PNLIPRP3: variants seen among roughly 807,000 people sequenced by gnomAD.
The protein encoded by PNLIPRP3 is pancreatic lipase-related protein 3.
PNLIPRP3 carries 58 observed loss-of-function variants against 52.8 expected under a neutral mutation model. That is an observed-to-expected ratio of 1.10 (90% CI 0.89 to 1.37). The LOEUF (loss-of-function observed/expected upper bound fraction) is 1.37. Among genes scored for constraint, PNLIPRP3 ranks in the 40% most tolerant of loss-of-function variants. The pLI is 0.00. For synonymous variants in PNLIPRP3, 192 were observed against 185.0 expected (o/e 1.04, Z -0.31); for missense variants, 593 against 561.6 (o/e 1.06, Z -0.57).
chr10:116,438,108 A>G (rs1845804045), intron 2 of PNLIPRP3, among the ~76,000 whole-genome samples: 1 of 152,186 alleles, frequency 6.6e-6, no homozygotes, highest in Non-Finnish European at 1.5e-5. Flanking sequence ...AAAGAGAAGG[A>G]GTTAGATTCT....
intron 7 of PNLIPRP3, among the ~76,000 whole-genome samples, chr10:116,464,011 A>C (rs1375886340): frequency 6.6e-6 from 1 of 151,742 alleles, no homozygotes; most frequent in Non-Finnish European, 1.5e-5. Flanking sequence ...AAGAAGAAGA[A>C]AGAAAAGAAA....
At chr10:116,461,616 G>A (rs545690635) in intron 7 of PNLIPRP3, among the ~76,000 whole-genome samples, 2 of 152,294 alleles carry the variant, frequency 1.3e-5, no homozygotes, top group East Asian at 3.9e-4. Flanking sequence ...AGCAAATATG[G>A]AAATGAATAC....
At chr10:116,465,934 G>A in intron 7 of PNLIPRP3, 116 bp from the exon 8 acceptor site, 2 of 759,938 alleles carry the variant, frequency 2.6e-6, no homozygotes, top group Non-Finnish European at 4.6e-6. Flanking sequence ...CTAGACAAAA[G>A]GTCTGGCCCT....
chr10:116,439,569 T>C, intron 2 of PNLIPRP3: 1 of 847,178 alleles, frequency 1.2e-6, no homozygotes, highest in Admixed American at 1.8e-5. Context: ...TACTTTCGAC[T>C]TATAGTCAGC....
intron 3 of PNLIPRP3, among the ~76,000 whole-genome samples, chr10:116,443,807 A>G (rs1285541746): frequency 0.12 from 571 of 4,710 alleles, 8 homozygotes; most frequent in Non-Finnish European, 0.43. Flanking sequence ...GTGTGCATAT[A>G]TATATATATA....
chr10:116,458,159 G>T (rs971559718), intron 5 of PNLIPRP3, among the ~76,000 whole-genome samples: 2 of 152,132 alleles, frequency 1.3e-5, no homozygotes, highest in Non-Finnish European at 2.9e-5. Context: ...TTACTCAGCT[G>T]ATTCTGCTTT....
intron 10 of PNLIPRP3, among the ~76,000 whole-genome samples, chr10:116,476,177 C>T (rs1846462720): frequency 6.6e-6 from 1 of 152,148 alleles, no homozygotes; most frequent in Non-Finnish European, 1.5e-5. Context: ...TACCCAATTC[C>T]TTTTATGTGG....
In PNLIPRP3 at chr10:116,461,011, T is replaced by C; in HGVS notation, c.611T>C (p.Val204Ala). 6.2e-7 allele frequency: 1 copy of C among 1,613,372 alleles called. No individual in the cohort carries two copies. Among genetic ancestry groups the C allele is most frequent in the Non-Finnish European group, 8.5e-7 (1 of 1,180,004 alleles). ...GPFFHNTPKE[V>A]RLDPSDANFV... Reference sequence around the variant, plus strand: ...TTTTTCCACAACACTCCAAAGGAAGTCAGGCTAGACCCCTCGGATGCCAAC... The same window carrying C: ...TTTTTCCACAACACTCCAAAGGAAGCCAGGCTAGACCCCTCGGATGCCAAC... The change falls in exon 6 of 12, where the codon GTC becomes GCC. Residue 204 changes from valine to alanine, a missense_variant. Transcript: ENST00000369230.
chr10:116,435,718 T>C (rs1260765570), intron 1 of PNLIPRP3, among the ~76,000 whole-genome samples: 3 of 152,242 alleles, frequency 2.0e-5, no homozygotes, highest in Non-Finnish European at 4.4e-5. Context: ...TGGCCATTTG[T>C]ATGCTTCTTA....
At chr10:116,474,728 T>C (rs1165284510) in intron 10 of PNLIPRP3, among the ~76,000 whole-genome samples, 2 of 151,960 alleles carry the variant, frequency 1.3e-5, no homozygotes, top group Non-Finnish European at 2.9e-5. Flanking sequence ...ATTAGAGAAA[T>C]GCAAATCAAA....
intron 2 of PNLIPRP3, among the ~76,000 whole-genome samples, chr10:116,442,277 A>G (rs1845869922): frequency 6.6e-6 from 1 of 152,196 alleles, no homozygotes; most frequent in Admixed American, 6.5e-5. Context: ...AGAATATTTG[A>G]CATAATCATA....
chr10:116,469,261 T>G lies in PNLIPRP3; in HGVS notation c.1004T>G (p.Met335Arg). The G allele has an allele frequency of 6.2e-7, 1 of 1,611,976 alleles. No individual in the cohort carries two copies. The highest frequency in any genetic ancestry group is 8.5e-7 in the Non-Finnish European group (1 of 1,179,110). ...HFADRFHFKN[M>R]KTNGSHYFLN... ...GCTGATAGATTTCACTTCAAAAATA[T>G]GAAGACTAATGGATCACATTATTTT... is the stretch of plus-strand genomic sequence containing the variant. The change falls in exon 9 of 12, where the codon ATG (methionine) becomes AGG (arginine). Residue 335 changes from methionine to arginine, a missense_variant. Transcript: ENST00000369230.
At chr10:116,474,856 A>G (rs1846433794) in intron 10 of PNLIPRP3, among the ~76,000 whole-genome samples, 1 of 152,364 alleles carries the variant, frequency 6.6e-6, no homozygotes, top group South Asian at 2.1e-4. Context: ...GTTGGAATGT[A>G]AATTTGTTCA....
chr10:116,442,986 A>T, intron 2 of PNLIPRP3, 69 bp from the exon 3 acceptor site: 6 of 1,254,920 alleles, frequency 4.8e-6, no homozygotes, highest in Non-Finnish European at 6.3e-6. Context: ...GCAGCTTTAG[A>T]ATAGGTCTAC....
At chr10:116,471,624 A>G in intron 9 of PNLIPRP3, 144 bp from the exon 10 acceptor site, 4 of 586,540 alleles carry the variant, frequency 6.8e-6, no homozygotes, top group Non-Finnish European at 1.2e-5. Flanking sequence ...ACTGAAACTA[A>G]AGTTGTATTT....
rs769617841 is a variant in PNLIPRP3, at chr10:116,443,135, A to C, written c.285A>C (p.Gly95=). The C allele has an allele frequency of 6.2e-7, 1 of 1,611,424 alleles. No homozygotes were observed. The highest frequency in any genetic ancestry group is 2.2e-5 in the East Asian group (1 of 44,766). Residue 95 remains glycine (G), a synonymous_variant, in exon 3 of 12, where the codon GGA becomes GGC. Coordinates refer to ENST00000369230, the MANE Select transcript of PNLIPRP3 (RefSeq NM_001011709.3). The part of the protein sequence containing the change: ...TDKITRINIA[G]WKTDGKWQRD... The stretch of plus-strand genomic sequence containing the variant: ...AGATCACCCGTATCAACATAGCTGG[A>C]TGGAAAACAGATGGCAAATGGCAGA...
chr10:116,450,809 A>C (rs1294916253), intron 4 of PNLIPRP3, among the ~76,000 whole-genome samples: 2 of 152,166 alleles, frequency 1.3e-5, no homozygotes, highest in Non-Finnish European at 2.9e-5. Flanking sequence ...ATAAATGGAA[A>C]AACATCCTGT....
At chr10:116,440,968 T>A (rs1048023182) in intron 2 of PNLIPRP3, among the ~76,000 whole-genome samples, 5 of 152,220 alleles carry the variant, frequency 3.3e-5, no homozygotes, top group Admixed American at 2.6e-4. Flanking sequence ...AGTCAAAGAA[T>A]GCTAAAAGGC....
At chr10:116,452,798 A>T (rs945872890) in intron 4 of PNLIPRP3, among the ~76,000 whole-genome samples, 2 of 152,240 alleles carry the variant, frequency 1.3e-5, no homozygotes, top group Admixed American at 6.5e-5. Context: ...TAGATTTCAG[A>T]GGATGTATAG....
Sources: allele counts gnomAD v4.1 joint callset (sites outside exome capture counted in the v4.1 genomes callset), GRCh38; gene constraint gnomAD v4.1.1; transcripts MANE v1.5; gene names NCBI Gene and HGNC (gene_info 2026-07-23, HGNC 2026-07-21).